The following CCDC9 variants were observed in gnomAD, a reference collection of about 807,000 sequenced individuals.
The protein encoded by CCDC9 is coiled-coil domain containing 9.
A neutral mutation model predicts 65.6 loss-of-function variants in CCDC9; 52 were observed. That is an observed-to-expected ratio of 0.79 (90% CI 0.63 to 1.00). The LOEUF (loss-of-function observed/expected upper bound fraction) is 1.00. CCDC9 is among the 50% of genes least tolerant of loss of function. The pLI, the probability that CCDC9 is intolerant of heterozygous loss-of-function variation, is 0.00. For missense variants in CCDC9, 834 were observed against 757.2 expected (o/e 1.10, Z -1.19); for synonymous variants, 332 against 280.3 (o/e 1.18, Z -1.84).
intron 5 of CCDC9, 59 bp from the exon 6 acceptor site, chr19:47,264,544 T>G (rs1300404882): frequency 6.7e-7 from 1 of 1,501,566 alleles, no homozygotes; most frequent in Non-Finnish European, 9.1e-7. Context: ...GCCCGTCTCC[T>G]GCACCGGCAG....
intron 10 of CCDC9, 71 bp downstream of exon 10, chr19:47,270,759 T>C: frequency 6.8e-7 from 1 of 1,467,336 alleles, no homozygotes; most frequent in East Asian, 2.5e-5. Context: ...TTTGGCTTGC[T>C]GTGAAGGTGT....
chr19:47,264,515 G>T (rs2059067345), intron 5 of CCDC9, 88 bp from the exon 6 acceptor site: 2 of 1,268,084 alleles, frequency 1.6e-6, no homozygotes, highest in Admixed American at 2.0e-5. Context: ...GAGGAGAGGA[G>T]CCTCAGGCCT....
At chr19:47,275,182 C>T (rs764041070), downstream of CCDC9, 15 of 1,471,228 alleles carry the variant, frequency 1.0e-5, no homozygotes, top group South Asian at 8.1e-5. Context: ...GTCCCGGCGC[C>T]CGCCGCTGCC....
rs201268072 is a variant in CCDC9, at chr19:47,258,704, C to G, written c.108+41C>G. 6.9e-5 allele frequency: 101 copies of G among 1,469,208 alleles called. No homozygotes were observed. In the East Asian group the frequency reaches 2.2e-3, roughly 33 times the overall value. 91.0% of individuals were successfully genotyped at this position (1,469,208 alleles called of 1,614,324 possible). Reference sequence around the variant, plus strand: ...CCTGGGAGACCCCATCCCCTCTCTTCCCCGCAGTGAGTTTTTCTCACCTCT... The same window carrying G: ...CCTGGGAGACCCCATCCCCTCTCTTGCCCGCAGTGAGTTTTTCTCACCTCT... On this transcript the variant is annotated intron_variant, in intron 3 of 11. Transcript: ENST00000221922.
chr19:47,271,680 G>A lies in CCDC9; in HGVS notation c.*2G>A, dbSNP rs117217343. 6.4e-7 allele frequency: 1 copy of A among 1,555,806 alleles called. No homozygotes were observed. Among genetic ancestry groups the A allele is most frequent in the Admixed American group, 1.7e-5 (1 of 57,272 alleles). ...GCCTGGCCTTTTGAGAGTGTATGAA[G>A]CTGGCTGCCTGTGTGTGTGTGTGTG... On this transcript the variant is annotated 3_prime_UTR_variant, in exon 12 of 12. Transcript: ENST00000221922.
Position 47,260,654 on chromosome 19 carries a change from G to T in CCDC9, c.277G>T (p.Gly93Cys). 6.5e-7 allele frequency: 1 copy of T among 1,528,566 alleles called. No individual in the cohort carries two copies. Among genetic ancestry groups the T allele is most frequent in the Non-Finnish European group, 8.7e-7 (1 of 1,146,878 alleles). 94.7% of individuals were successfully genotyped at this position (1,528,566 alleles called of 1,614,324 possible). ...TPRPPGASKG[G>C]RTPPQQGGRA... is the part of the protein sequence containing the mutation. ...TCGGCCCCCAGGGGCCAGCAAGGGG[G>T]GCCGGACTCCTCCACAGCAGGGAGG... Residue 93 changes from glycine to cysteine, a missense_variant, in exon 5 of 12, where the codon GGC becomes TGC. Transcript: ENST00000221922.
chr19:47,256,973 T>C (rs2059013950), intron 1 of CCDC9, among the ~76,000 whole-genome samples: 1 of 148,170 alleles, frequency 6.7e-6, no homozygotes, highest in African/African-American at 2.5e-5. Context: ...GTCCAGATTC[T>C]TGGCCGGGAC....
chr19:47,274,850 G>GGGTGGGGGCGGGGCCT (rs1222759965), downstream of CCDC9: 135 of 1,111,370 alleles, frequency 1.2e-4, no homozygotes, highest in Non-Finnish European at 1.3e-4. Context: ...GCGGTCTGCG[G>GGGTGGGGGCGGGGCCT]GGTGGGGGCG....
intron 5 of CCDC9, among the ~76,000 whole-genome samples, chr19:47,261,044 C>T (rs1481688192): frequency 2.6e-5 from 4 of 151,958 alleles, no homozygotes; most frequent in African/African-American, 7.3e-5. Flanking sequence ...TGTTCCTTCC[C>T]TCTCACGCCT....
Position 47,260,370 on chromosome 19 carries a change from C to T in CCDC9, c.158C>T (p.Thr53Ile). 6.2e-7 allele frequency: 1 copy of T among 1,604,546 alleles called. No homozygotes were observed. Among genetic ancestry groups the T allele is most frequent in the Non-Finnish European group, 8.5e-7 (1 of 1,175,520 alleles). ...KKAELEGVAVTAPRKGRSVEK... is the reference protein window; with the variant it reads ...KKAELEGVAVIAPRKGRSVEK... Reference sequence around the variant, plus strand: ...GCTGAACTTGAGGGAGTCGCAGTCACAGCTCCCCGAAAGGGCCGCTCAGTG... The same window carrying T: ...GCTGAACTTGAGGGAGTCGCAGTCATAGCTCCCCGAAAGGGCCGCTCAGTG... The change falls in exon 4 of 12, where the codon ACA becomes ATA. Residue 53 changes from threonine (T) to isoleucine (I), a missense_variant. Transcript: ENST00000221922.
chr19:47,262,075 A>G (rs552973359), intron 5 of CCDC9, among the ~76,000 whole-genome samples: 1 of 152,100 alleles, frequency 6.6e-6, no homozygotes, highest in African/African-American at 2.4e-5. Flanking sequence ...GCTGTCACAC[A>G]AAGACTCCAA....
chr19:47,275,042 G>C, downstream of CCDC9: 2 of 1,490,342 alleles, frequency 1.3e-6, no homozygotes, highest in Non-Finnish European at 1.8e-6. Flanking sequence ...TCTGCGTCTC[G>C]CTAGCTGCCG....
In CCDC9 at chr19:47,271,568, C is replaced by T. The variant is rs920858430; in HGVS notation, c.1486C>T (p.His496Tyr). The T allele has an allele frequency of 9.9e-6, 16 of 1,613,272 alleles. No individual in the cohort carries two copies. Among genetic ancestry groups the T allele is most frequent in the East Asian group, 2.2e-5 (1 of 44,866 alleles). ...PSSPFSPPSG[H>Y]QPVSDWGEEV... ...CAGCCCTTTCTCACCACCCAGCGGC[C>T]ACCAGCCTGTGTCCGATTGGGGTGA... Residue 496 changes from histidine to tyrosine, a missense_variant, in exon 12 of 12, where the codon CAC (histidine) becomes TAC (tyrosine). Physicochemically the swap from His to Tyr is moderately conservative, Grantham distance 83. Transcript: ENST00000221922.
At chr19:47,275,419 C>G (rs1289477833), downstream of CCDC9, 8 of 1,485,982 alleles carry the variant, frequency 5.4e-6, no homozygotes, top group Non-Finnish European at 6.3e-6. Context: ...GATGCACCGT[C>G]TCTGGATTGG....
At position 47,268,202 on chromosome 19, in the gene CCDC9, G is replaced by A. The variant is rs574393392; in HGVS notation, c.902+1410G>A. On this transcript the variant is annotated intron_variant, in intron 8 of 11. Coordinates refer to ENST00000221922, the MANE Select transcript of CCDC9 (RefSeq NM_015603.3). ...AACCTCAAGTTTGACTTTGTCCCCC[G>A]ATTCAGTCAGACTTAAAGCAAAGCC... is the stretch of plus-strand genomic sequence containing the variant. 1.6e-4 allele frequency among the ~76,000 whole-genome samples: 24 copies of A among 152,168 alleles called. 1 individual carries two copies. The South Asian group carries it at 4.8e-3, about 30-fold the overall frequency.
At position 47,270,588 on chromosome 19, in the gene CCDC9, A is replaced by C. The variant is rs1452121200; in HGVS notation, c.985A>C (p.Thr329Pro). 1.9e-6 allele frequency: 3 copies of C among 1,613,508 alleles called. No individual in the cohort carries two copies. Among genetic ancestry groups the C allele is most frequent in the Non-Finnish European group, 2.5e-6 (3 of 1,179,994 alleles). The change falls in exon 10 of 12, where the codon ACT becomes CCT. Residue 329 changes from threonine to proline, a missense_variant. Physicochemically the swap from Thr to Pro is conservative, Grantham distance 38 (BLOSUM62 -1). Transcript: ENST00000221922. ...CTGGGCCCGGCCCCCGAAGCCCCCT[A>C]CTTTTGGGGAGTTCCTGTCCCAGCA... ...QAWARPPKPP[T>P]FGEFLSQHKA...
downstream of CCDC9, among the ~76,000 whole-genome samples, chr19:47,272,964 G>A (rs1342570881): frequency 6.6e-6 from 1 of 151,418 alleles, no homozygotes; most frequent in African/African-American, 2.4e-5. Flanking sequence ...AATAGCAGGC[G>A]TTGGCGAAGG....
chr19:47,266,308 G>A (rs545579774), intron 7 of CCDC9: 199 of 338,418 alleles, frequency 5.9e-4, no homozygotes, highest in African/African-American at 4.0e-3. Flanking sequence ...GAAGAGTTTG[G>A]AGGCAGAGCC....
chr19:47,273,573 G>A (rs539742817), downstream of CCDC9: 3 of 422,018 alleles, frequency 7.1e-6, no homozygotes, highest in Admixed American at 4.4e-5. Flanking sequence ...TCTAAGGGGG[G>A]AGGAGCCAGG....
Sources: allele counts gnomAD v4.1 joint callset (sites outside exome capture counted in the v4.1 genomes callset), GRCh38; gene constraint gnomAD v4.1.1; transcripts MANE v1.5; gene names NCBI Gene and HGNC (gene_info 2026-07-23, HGNC 2026-07-21).